Variants in SOX12 observed in about 807,000 individuals in gnomAD.
The protein encoded by SOX12 is SRY-box transcription factor 12.
SOX12 carries 8 observed loss-of-function variants against 21.5 expected under a neutral mutation model. The ratio of observed to expected loss-of-function variants is 0.37; its 90% CI spans 0.22 to 0.67. The LOEUF is 0.67. SOX12 is among the 30% of genes least tolerant of loss of function. The pLI, the probability that SOX12 is intolerant of heterozygous loss-of-function variation, is 0.56. For missense variants in SOX12, 400 were observed against 482.6 expected, an observed-to-expected ratio of 0.83 and a Z score of 1.60; for synonymous variants, 235 against 224.2, an observed-to-expected ratio of 1.05 and a Z score of -0.43.
Position 326,694 on chromosome 20 carries a change from G to C in SOX12, c.770G>C (p.Arg257Thr). ...SGEESLGFLS[R>T]LPPGPAGLDC... is the part of the protein sequence containing the mutation. Reference sequence around the variant, plus strand: ...GAGGAGTCGCTGGGCTTTCTGTCCAGGCTGCCCCCTGGCCCGGCCGGCCTG... The same window carrying C: ...GAGGAGTCGCTGGGCTTTCTGTCCACGCTGCCCCCTGGCCCGGCCGGCCTG... Residue 257 changes from arginine to threonine, a missense_variant, in exon 1 of 1, where the codon AGG becomes ACG. Arg to Thr is a moderately conservative substitution (Grantham distance 71). Around this residue, in one of 4 missense-constraint regions of SOX12, gnomAD observed 235 missense variants for 219.3 expected, o/e 1.07. Transcript: ENST00000342665. This position sits in a 1 kb window ranked among gnomAD's most constrained non-coding sequence, Gnocchi z 9.9. 6.3e-7 allele frequency: 1 copy of C among 1,584,116 alleles called. No individual in the cohort carries two copies.
At position 327,182 on chromosome 20, in the gene SOX12, C is replaced by G. The variant is rs990573651; in HGVS notation, c.*310C>G. The G allele has an allele frequency of 1.2e-4, 47 of 393,790 alleles. No individual in the cohort carries two copies. Among genetic ancestry groups the G allele is most frequent in the South Asian group, 1.1e-3 (40 of 36,962 alleles). The allele number at this position is 393,790 out of a possible 1,614,324, so 24.4% of individuals were successfully genotyped here. A position where few individuals can be genotyped will look rare whatever the true frequency, so the allele number is the denominator to read the frequency against. On this transcript the variant is annotated 3_prime_UTR_variant, in exon 1 of 1. Transcript: ENST00000342665. Reference sequence around the variant, plus strand: ...TCCTACAGACCTGCACCCCTCCCCCCTTTTGCACACGCCCCTCCTCGTGGC... The same window carrying G: ...TCCTACAGACCTGCACCCCTCCCCCGTTTTGCACACGCCCCTCCTCGTGGC...
chr20:327,495 G>GCA lies in SOX12; in HGVS notation c.*623_*624insCA, dbSNP rs756976328. On this transcript the variant is annotated 3_prime_UTR_variant, in exon 1 of 1. Transcript: ENST00000342665. ...CCGGGCAAAAGCGGGGGCGAGTGTAGAGCGATCCTGGGAAATCCTTTGATC... is the reference window on the plus strand; with the variant it reads ...CCGGGCAAAAGCGGGGGCGAGTGTAGCAAGCGATCCTGGGAAATCCTTTGATC... 26 of 168,030 alleles carry GCA rather than the reference G, an allele frequency of 1.5e-4. No homozygotes were observed. The highest frequency in any genetic ancestry group is 3.3e-4 in the Non-Finnish European group (23 of 68,702). The allele number at this position is 168,030 out of a possible 1,614,324, so 10.4% of individuals were successfully genotyped here.
Position 329,876 on chromosome 20 carries a change from G to A in SOX12, c.*3004G>A, listed in dbSNP as rs2013164586. The A allele has an allele frequency of 6.0e-6, 1 of 167,130 alleles. No homozygotes were observed. The highest frequency in any genetic ancestry group is 1.5e-5 in the Non-Finnish European group (1 of 68,140). The allele number at this position is 167,130 out of a possible 1,614,324, so 10.4% of individuals were successfully genotyped here. On this transcript the variant is annotated 3_prime_UTR_variant, in exon 1 of 1. Coordinates refer to ENST00000342665, the MANE Select transcript of SOX12 (RefSeq NM_006943.4). ...AGTAAGAGGAGGTAGAGTTGAGAAGGTGTGGAAGATAGGGACAGCTGCCCC... is the reference window on the plus strand; with the variant it reads ...AGTAAGAGGAGGTAGAGTTGAGAAGATGTGGAAGATAGGGACAGCTGCCCC...
Position 326,691 on chromosome 20 carries a change from C to A in SOX12, c.767C>A (p.Ser256Tyr). 1 of 1,580,498 alleles carries A rather than the reference C, an allele frequency of 6.3e-7. No homozygotes were observed. The highest frequency in any genetic ancestry group is 2.3e-5 in the East Asian group (1 of 42,720). Residue 256 changes from serine (S) to tyrosine (Y), a missense_variant, in exon 1 of 1, where the codon TCC (serine) becomes TAC (tyrosine). Coordinates refer to ENST00000342665, the MANE Select transcript of SOX12 (RefSeq NM_006943.4). This position sits in a 1 kb window ranked among gnomAD's most constrained non-coding sequence, Gnocchi z 9.9. ...ASGEESLGFL[S>Y]RLPPGPAGLD... ...GGGGAGGAGTCGCTGGGCTTTCTGT[C>A]CAGGCTGCCCCCTGGCCCGGCCGGC...
rs964213708 is a variant in SOX12, at chr20:325,572, GGGCGGGGAGCGGCGCGCGCGGGCCGC to G, written c.-347_-322del. 6.7e-6 allele frequency: 1 copy of G among 150,208 alleles called. No individual in the cohort carries two copies. Among genetic ancestry groups the G allele is most frequent in the African/African-American group, 2.4e-5 (1 of 41,178 alleles). 9.3% of individuals were successfully genotyped at this position (150,208 alleles called of 1,614,324 possible). A position where few individuals can be genotyped will look rare whatever the true frequency, so the allele number is the denominator to read the frequency against. ...AAGACACTGAAAGGCGTCGGCGGCC[GGGCGGGGAGCGGCGCGCGCGGGCCGC>G]GGCGGAGCCAGAGGCTGCAGGAAGA... is the stretch of plus-strand genomic sequence containing the variant. On this transcript the variant is annotated 5_prime_UTR_variant, in exon 1 of 1. Coordinates refer to ENST00000342665, the MANE Select transcript of SOX12 (RefSeq NM_006943.4). The surrounding 1 kb of genome is among the most constrained non-coding windows in gnomAD (Gnocchi z 5.0).
rs2013157036 is a variant in SOX12 at position 329,332 on chromosome 20, G to A, written c.*2460G>A. ...CACAGGATGAAATGAAGTTTGAGGT[G>A]AGAAGCATTCACCATGGTGCCCATC... On this transcript the variant is annotated 3_prime_UTR_variant, in exon 1 of 1. Coordinates refer to ENST00000342665, the MANE Select transcript of SOX12 (RefSeq NM_006943.4). 6.0e-6 allele frequency: 1 copy of A among 167,088 alleles called. No homozygotes were observed. The highest frequency in any genetic ancestry group is 1.5e-5 in the Non-Finnish European group (1 of 68,136). The allele number at this position is 167,088 out of a possible 1,614,324, so 10.4% of individuals were successfully genotyped here. A position where few individuals can be genotyped will look rare whatever the true frequency, so the allele number is the denominator to read the frequency against.
rs2013128578 is a variant in SOX12, at chr20:327,791, C to CT, written c.*920dup. On this transcript the variant is annotated 3_prime_UTR_variant, in exon 1 of 1. Transcript: ENST00000342665. ...TAGAGGAAGGGACCACCCAAGAAAA[C>CT]TAAAAACCAAGGCACCTTACCAGTC... 1 of 167,196 alleles carries CT rather than the reference C, an allele frequency of 6.0e-6. No individual in the cohort carries two copies. The highest frequency in any genetic ancestry group is 2.1e-4 in the South Asian group (1 of 4,832). The allele number at this position is 167,196 out of a possible 1,614,324, so 10.4% of individuals were successfully genotyped here. A position where few individuals can be genotyped will look rare whatever the true frequency, so the allele number is the denominator to read the frequency against.
In SOX12 at chr20:328,197, C is replaced by G. The variant is rs1568505482; in HGVS notation, c.*1325C>G. The G allele has an allele frequency of 1.2e-5, 2 of 166,870 alleles. No individual in the cohort carries two copies. The highest frequency in any genetic ancestry group is 4.1e-4 in the South Asian group (2 of 4,830). 10.3% of individuals were successfully genotyped at this position (166,870 alleles called of 1,614,324 possible). ...TGTTAGGAGGAAGTTGTGTCCAGTTCAGGGTGCCCTCGGGAGCCCTGTCCC... is the reference window on the plus strand; with the variant it reads ...TGTTAGGAGGAAGTTGTGTCCAGTTGAGGGTGCCCTCGGGAGCCCTGTCCC... On this transcript the variant is annotated 3_prime_UTR_variant, in exon 1 of 1. Transcript: ENST00000342665.
chr20:326,299 C>A lies in SOX12; in HGVS notation c.375C>A (p.Arg125=). The A allele has an allele frequency of 1.4e-6, 2 of 1,410,590 alleles. No homozygotes were observed. The highest frequency in any genetic ancestry group is 9.3e-7 in the Non-Finnish European group (1 of 1,077,294). The allele number at this position is 1,410,590 out of a possible 1,614,324, so 87.4% of individuals were successfully genotyped here. The change falls in exon 1 of 1, where the codon CGC becomes CGA. Residue 125 remains arginine (R), a synonymous_variant. Transcript: ENST00000342665. This position sits in a 1 kb window ranked among gnomAD's most constrained non-coding sequence, Gnocchi z 9.9. Reference sequence around the variant, plus strand: ...GGGCGCCCGCCAAGGCGCGGCCCCGCCCCCCCGGTGGTAGCGGTGGCGGCA... The same window carrying A: ...GGGCGCCCGCCAAGGCGCGGCCCCGACCCCCCGGTGGTAGCGGTGGCGGCA... ...SKGAPAKARP[R]PPGGSGGGSR... is the part of the protein sequence containing the mutation.
At position 327,182 on chromosome 20, in the gene SOX12, CT is replaced by C. The variant is rs1259926912; in HGVS notation, c.*314del. The C allele has an allele frequency of 5.1e-6, 2 of 393,908 alleles. No individual in the cohort carries two copies. The highest frequency in any genetic ancestry group is 2.7e-5 in the South Asian group (1 of 36,958). 24.4% of individuals were successfully genotyped at this position (393,908 alleles called of 1,614,324 possible). On this transcript the variant is annotated 3_prime_UTR_variant, in exon 1 of 1. Transcript: ENST00000342665. The stretch of plus-strand genomic sequence containing the variant: ...TCCTACAGACCTGCACCCCTCCCCC[CT>C]TTTGCACACGCCCCTCCTCGTGGCC...
rs1364548001 is a variant in SOX12 at position 326,420 on chromosome 20, G to A, written c.496G>A (p.Asp166Asn). 1.5e-6 allele frequency: 2 copies of A among 1,351,916 alleles called. No individual in the cohort carries two copies. Among genetic ancestry groups the A allele is most frequent in the African/African-American group, 1.5e-5 (1 of 64,826 alleles). The allele number at this position is 1,351,916 out of a possible 1,614,324, so 83.7% of individuals were successfully genotyped here. ...GGGAAAPEDD[D>N]EDDDEELLEV... is the part of the protein sequence containing the mutation. ...CGGGGCGGCGGCGCCCGAGGACGAC[G>A]ATGAAGACGACGACGAGGAGCTGCT... Residue 166 changes from aspartate (D) to asparagine (N), a missense_variant, in exon 1 of 1, where the codon GAT (aspartate) becomes AAT (asparagine). By Grantham distance (23) the Asp-to-Asn change is conservative. Around this residue, in one of 4 missense-constraint regions of SOX12, gnomAD observed 235 missense variants for 219.3 expected, o/e 1.07. Coordinates refer to ENST00000342665, the MANE Select transcript of SOX12 (RefSeq NM_006943.4). This position sits in a 1 kb window ranked among gnomAD's most constrained non-coding sequence, Gnocchi z 9.9.
chr20:326,934 T>C lies in SOX12; in HGVS notation c.*62T>C, dbSNP rs903224468. Reference sequence around the variant, plus strand: ...GCTGTTTACATACAGGAATCAGGTATTGGGGCCCCTCGGAGGCCGAGGCTG... The same window carrying C: ...GCTGTTTACATACAGGAATCAGGTACTGGGGCCCCTCGGAGGCCGAGGCTG... On this transcript the variant is annotated 3_prime_UTR_variant, in exon 1 of 1. Transcript: ENST00000342665. The surrounding 1 kb of genome is among the most constrained non-coding windows in gnomAD (Gnocchi z 9.9). 9.0e-6 allele frequency: 14 copies of C among 1,560,106 alleles called. No homozygotes were observed. The highest frequency in any genetic ancestry group is 1.2e-5 in the Non-Finnish European group (14 of 1,132,826).
rs2013121204 is a variant in SOX12 at position 327,408 on chromosome 20, C to T, written c.*536C>T. Reference sequence around the variant, plus strand: ...CGCTGGGGCCCACCCCCTTCGTGCGCATGCTTAATGCTTCTGGGGAGGAGG... The same window carrying T: ...CGCTGGGGCCCACCCCCTTCGTGCGTATGCTTAATGCTTCTGGGGAGGAGG... On this transcript the variant is annotated 3_prime_UTR_variant, in exon 1 of 1. Coordinates refer to ENST00000342665, the MANE Select transcript of SOX12 (RefSeq NM_006943.4). 1.1e-5 allele frequency: 2 copies of T among 179,838 alleles called. No individual in the cohort carries two copies. The highest frequency in any genetic ancestry group is 4.8e-5 in the African/African-American group (2 of 41,490). The allele number at this position is 179,838 out of a possible 1,614,324, so 11.1% of individuals were successfully genotyped here. A position where few individuals can be genotyped will look rare whatever the true frequency, so the allele number is the denominator to read the frequency against.
rs146052047 is a variant in SOX12, at chr20:327,246, T to G, written c.*374T>G. On this transcript the variant is annotated 3_prime_UTR_variant, in exon 1 of 1. Coordinates refer to ENST00000342665, the MANE Select transcript of SOX12 (RefSeq NM_006943.4). ...CCCTCCTTTGCTCCGGAATCTCTCC[T>G]CCCTCGCCCGGCCCGCCTTCTCTGG... is the stretch of plus-strand genomic sequence containing the variant. The G allele has an allele frequency of 9.7e-3, 2,130 of 219,008 alleles. 43 individuals are homozygous for G. The highest frequency in any genetic ancestry group is 0.047 in the African/African-American group (1,959 of 41,560). 13.6% of individuals were successfully genotyped at this position (219,008 alleles called of 1,614,324 possible).
Position 325,624 on chromosome 20 carries a change from G to A in SOX12, c.-301G>A, listed in dbSNP as rs2122428021. ...GGCGGAGCCAGAGGCTGCAGGAAGA[G>A]CCCGCGGGGGCCCGGAGGGTGCGAT... On this transcript the variant is annotated 5_prime_UTR_variant, in exon 1 of 1. Coordinates refer to ENST00000342665, the MANE Select transcript of SOX12 (RefSeq NM_006943.4). This position sits in a 1 kb window ranked among gnomAD's most constrained non-coding sequence, Gnocchi z 5.0. 6.6e-6 allele frequency: 1 copy of A among 150,788 alleles called. No individual in the cohort carries two copies. Among genetic ancestry groups the A allele is most frequent in the African/African-American group, 2.4e-5 (1 of 41,266 alleles). 9.3% of individuals were successfully genotyped at this position (150,788 alleles called of 1,614,324 possible). A position where few individuals can be genotyped will look rare whatever the true frequency, so the allele number is the denominator to read the frequency against.
rs999245713 is a variant in SOX12, at chr20:327,329, C to T, written c.*457C>T. ...ACGCGCCTCCTGCGCCCCTCCCTTC[C>T]CTGGGGGGAGGGGCGCACCCCTTTT... On this transcript the variant is annotated 3_prime_UTR_variant, in exon 1 of 1. Coordinates refer to ENST00000342665, the MANE Select transcript of SOX12 (RefSeq NM_006943.4). The T allele has an allele frequency of 1.5e-5, 3 of 195,696 alleles. No homozygotes were observed. The highest frequency in any genetic ancestry group is 7.2e-5 in the African/African-American group (3 of 41,508). The allele number at this position is 195,696 out of a possible 1,614,324, so 12.1% of individuals were successfully genotyped here.
In SOX12 at chr20:326,635, T is replaced by G; in HGVS notation, c.711T>G (p.Ala237=). The G allele has an allele frequency of 1.3e-6, 2 of 1,546,912 alleles. No individual in the cohort carries two copies. Among genetic ancestry groups the G allele is most frequent in the Non-Finnish European group, 1.7e-6 (2 of 1,144,322 alleles). ...PEEEEEEAAA[A]EEGEEETVAS... is the part of the protein sequence containing the mutation. ...AAGAGGAGGAGGAGGCGGCAGCGGC[T>G]GAGGAAGGTGAAGAGGAGACGGTGG... Residue 237 remains alanine, a synonymous_variant, in exon 1 of 1, where the codon GCT becomes GCG. Transcript: ENST00000342665. The surrounding 1 kb of genome is among the most constrained non-coding windows in gnomAD (Gnocchi z 9.9).
rs2013150815 is a variant in SOX12 at position 328,892 on chromosome 20, A to G, written c.*2020A>G. On this transcript the variant is annotated 3_prime_UTR_variant, in exon 1 of 1. Coordinates refer to ENST00000342665, the MANE Select transcript of SOX12 (RefSeq NM_006943.4). Reference sequence around the variant, plus strand: ...GGACTCCCTGGCCTTCATGAAGAATAGCAAACTCATCCCTGTAGGGACCAG... The same window carrying G: ...GGACTCCCTGGCCTTCATGAAGAATGGCAAACTCATCCCTGTAGGGACCAG... 1 of 167,060 alleles carries G rather than the reference A, an allele frequency of 6.0e-6. No individual in the cohort carries two copies. 10.3% of individuals were successfully genotyped at this position (167,060 alleles called of 1,614,324 possible).
chr20:326,470 G>C lies in SOX12; in HGVS notation c.546G>C (p.Pro182=), dbSNP rs773988152. ...ELLEVRLVET[P]GRELWRMVPA... ...TGGAAGTGCGCCTGGTCGAGACCCC[G>C]GGGCGGGAGCTGTGGAGGATGGTCC... The change falls in exon 1 of 1, where the codon CCG becomes CCC. Residue 182 remains proline, a synonymous_variant. Coordinates refer to ENST00000342665, the MANE Select transcript of SOX12 (RefSeq NM_006943.4). The surrounding 1 kb of genome is among the most constrained non-coding windows in gnomAD (Gnocchi z 9.9). 1 of 1,393,626 alleles carries C rather than the reference G, an allele frequency of 7.2e-7. No homozygotes were observed. The highest frequency in any genetic ancestry group is 1.6e-5 in the South Asian group (1 of 61,964). The allele number at this position is 1,393,626 out of a possible 1,614,324, so 86.3% of individuals were successfully genotyped here. A position where few individuals can be genotyped will look rare whatever the true frequency, so the allele number is the denominator to read the frequency against.
Sources: allele counts gnomAD v4.1 joint callset, GRCh38; gene constraint gnomAD v4.1.1; regional missense constraint gnomAD v4.1.1; non-coding constraint Gnocchi (gnomAD v3.1); transcripts MANE v1.5; gene names NCBI Gene and HGNC (gene_info 2026-07-23, HGNC 2026-07-21).